Variants in WRNIP1 observed in about 807,000 individuals in gnomAD.
The protein encoded by WRNIP1 is ATPase WRNIP1.
In WRNIP1, 41 loss-of-function variants were observed where a neutral mutation model predicts 56.1. That is an observed-to-expected ratio of 0.73 (90% CI 0.57 to 0.95). The LOEUF (loss-of-function observed/expected upper bound fraction) is 0.95. Among genes scored for constraint, WRNIP1 ranks in the 40% least tolerant of loss-of-function variants. The pLI is 0.00. For synonymous variants in WRNIP1, 547 were observed against 398.1 expected (o/e 1.37, Z -4.45); for missense variants, 1,170 against 939.4 (o/e 1.25, Z -3.21).
Position 2,774,081 on chromosome 6 carries a change from G to A in WRNIP1, c.1256+3720G>A, listed in dbSNP as rs950301345. 1.4e-5 allele frequency: 14 copies of A among 985,222 alleles called. No homozygotes were observed. In the African/African-American group the frequency reaches 2.4e-4, roughly 17 times the overall value. 61.0% of individuals were successfully genotyped at this position (985,222 alleles called of 1,614,324 possible). ...GCCATTGAATAGAAAGAAAGGTAGT[G>A]GAACTCCAGAATACAAGGGATTGGC... is the stretch of plus-strand genomic sequence containing the variant. On this transcript the variant is annotated intron_variant, in intron 3 of 6. Transcript: ENST00000380773.
At position 2,784,389 on chromosome 6, in the gene WRNIP1, A is replaced by C. The variant is rs1284454070; in HGVS notation, c.1708A>C (p.Met570Leu). 1.2e-6 allele frequency: 2 copies of C among 1,613,992 alleles called. No homozygotes were observed. The highest frequency in any genetic ancestry group is 2.7e-5 in the African/African-American group (2 of 74,942). Reference sequence around the variant, plus strand: ...CTACCAAGGCTGTCATTTTATAGGCATGCCTGAATGTGAGGTAAAGTAATC... The same window carrying C: ...CTACCAAGGCTGTCATTTTATAGGCCTGCCTGAATGTGAGGTAAAGTAATC... Reference protein sequence around the residue: ...AAYQGCHFIGMPECEVLLAQC... With the variant: ...AAYQGCHFIGLPECEVLLAQC... The change falls in exon 6 of 7, where the codon ATG becomes CTG. Residue 570 changes from methionine to leucine, a missense_variant. Transcript: ENST00000380773.
rs1438253811 is a variant in WRNIP1, at chr6:2,770,371, CAG to C, written c.1256+11_1256+12del. On this transcript the variant is annotated intron_variant, in intron 3 of 6. Coordinates refer to ENST00000380773, the MANE Select transcript of WRNIP1 (RefSeq NM_020135.3). The stretch of plus-strand genomic sequence containing the variant: ...GCAACAGCAGCTCAGAGTAAGTTGA[CAG>C]TGTGCAGCGTCCTGGGGGCACACAC... 6.2e-7 allele frequency: 1 copy of C among 1,613,918 alleles called. No homozygotes were observed. The highest frequency in any genetic ancestry group is 2.2e-5 in the East Asian group (1 of 44,884).
intron 5 of WRNIP1, 144 bp from the exon 6 acceptor site, chr6:2,784,180 A>G: frequency 1.6e-6 from 1 of 634,716 alleles, no homozygotes; most frequent in Non-Finnish European, 2.7e-6. Flanking sequence ...ATCAGAGACT[A>G]GAGCTAAGTC....
chr6:2,768,930 T>G (rs771275005), intron 2 of WRNIP1, 48 bp downstream of exon 2: 126 of 1,544,192 alleles, frequency 8.2e-5, no homozygotes, highest in Non-Finnish European at 1.1e-4. Context: ...CATCAAACAA[T>G]ATAAAGTGTG....
chr6:2,768,638 GTC>G (rs1765135628), intron 1 of WRNIP1, 51 bp from the exon 2 acceptor site: 15 of 1,485,258 alleles, frequency 1.0e-5, no homozygotes, highest in Middle Eastern at 1.8e-4. Flanking sequence ...ATGGGTGCTG[GTC>G]TCTCTGTGTC....
intron 3 of WRNIP1, among the ~76,000 whole-genome samples, chr6:2,771,389 T>C (rs537318520): frequency 6.6e-6 from 1 of 152,324 alleles, no homozygotes; most frequent in African/African-American, 2.4e-5. Flanking sequence ...TGGCCTTGTT[T>C]TGGAATACCG....
At position 2,785,429 on chromosome 6, in the gene WRNIP1, C is replaced by A; in HGVS notation, c.*147C>A. On this transcript the variant is annotated 3_prime_UTR_variant, in exon 7 of 7. Transcript: ENST00000380773. ...AATTTAAGAGTTCCATAGGTGGAGG[C>A]GCAGTTCTTTCGAATAAATGTGTAA... 1 of 837,248 alleles carries A rather than the reference C, an allele frequency of 1.2e-6. No individual in the cohort carries two copies. Among genetic ancestry groups the A allele is most frequent in the Non-Finnish European group, 1.8e-6 (1 of 549,266 alleles). The allele number at this position is 837,248 out of a possible 1,614,324, so 51.9% of individuals were successfully genotyped here. A position where few individuals can be genotyped will look rare whatever the true frequency, so the allele number is the denominator to read the frequency against.
chr6:2,775,438 C>T (rs752943782), intron 3 of WRNIP1, among the ~76,000 whole-genome samples: 1 of 152,222 alleles, frequency 6.6e-6, no homozygotes, highest in African/African-American at 2.4e-5. Flanking sequence ...CAGCAGTTAT[C>T]ACCCTGACCA....
rs943773027 is a variant in WRNIP1 at position 2,765,873 on chromosome 6, C to T, written c.251C>T (p.Ala84Val). 8 of 1,445,172 alleles carry T rather than the reference C, an allele frequency of 5.5e-6. No homozygotes were observed. In the African/African-American group the frequency reaches 5.9e-5, roughly 11 times the overall value. The allele number at this position is 1,445,172 out of a possible 1,614,324, so 89.5% of individuals were successfully genotyped here. Residue 84 changes from alanine (A) to valine (V), a missense_variant, in exon 1 of 7, where the codon GCC becomes GTC. By Grantham distance (64) the Ala-to-Val change is moderately conservative. Coordinates refer to ENST00000380773, the MANE Select transcript of WRNIP1 (RefSeq NM_020135.3). ...LSESSALKQP[A>V]TPTAAESSEG... The stretch of plus-strand genomic sequence containing the variant: ...GAGAGCTCGGCGCTGAAGCAGCCAG[C>T]CACCCCGACGGCAGCCGAGAGCAGC...
chr6:2,768,543 A>ATT (rs755995988), intron 1 of WRNIP1, 148 bp from the exon 2 acceptor site: 3 of 508,198 alleles, frequency 5.9e-6, no homozygotes, highest in Non-Finnish European at 9.9e-6. Context: ...GTCCTGTGGT[A>ATT]TTTTTGATTG....
chr6:2,768,637 G>C, intron 1 of WRNIP1, 54 bp from the exon 2 acceptor site: 1 of 1,481,310 alleles, frequency 6.8e-7, no homozygotes, highest in Non-Finnish European at 9.1e-7. Context: ...CATGGGTGCT[G>C]GTCTCTCTGT....
intron 2 of WRNIP1, among the ~76,000 whole-genome samples, chr6:2,769,676 C>A (rs1370975125): frequency 6.6e-6 from 1 of 152,038 alleles, no homozygotes; most frequent in Non-Finnish European, 1.5e-5. Flanking sequence ...CATAAAACAG[C>A]ATAATAGGAA....
At chr6:2,771,855 A>G (rs567302956) in intron 3 of WRNIP1, among the ~76,000 whole-genome samples, 4 of 152,336 alleles carry the variant, frequency 2.6e-5, no homozygotes, top group East Asian at 1.9e-4. Context: ...AAATCCTAAC[A>G]TGTTTCATGT....
Position 2,785,174 on chromosome 6 carries a change from C to T in WRNIP1, c.1890C>T (p.Gly630=), listed in dbSNP as rs201959400. The part of the protein sequence containing the change: ...NAPTRLMKDL[G]YGKGYKYNPM... ...CCACTAGGCTGATGAAGGATTTGGG[C>T]TATGGCAAAGGCTACAAGTACAACC... Residue 630 remains glycine, a synonymous_variant, in exon 7 of 7, where the codon GGC becomes GGT. Transcript: ENST00000380773. 4.2e-5 allele frequency: 67 copies of T among 1,614,034 alleles called. No individual in the cohort carries two copies. The highest frequency in any genetic ancestry group is 1.0e-4 in the Admixed American group (6 of 60,008).
chr6:2,784,497 T>G (rs1253763587), intron 6 of WRNIP1, 94 bp downstream of exon 6: 5 of 1,296,486 alleles, frequency 3.9e-6, no homozygotes, highest in African/African-American at 1.5e-5. Context: ...CCTTCACCAT[T>G]GGTGTATTGG....
At chr6:2,781,195 C>T (rs1430665661) in intron 4 of WRNIP1, among the ~76,000 whole-genome samples, 1 of 152,190 alleles carries the variant, frequency 6.6e-6, no homozygotes, top group Non-Finnish European at 1.5e-5. Flanking sequence ...CCTAGGAATC[C>T]CACTTCCTGA....
chr6:2,770,230 T>A lies in WRNIP1; in HGVS notation c.1125T>A (p.Ile375=). The A allele has an allele frequency of 2.5e-6, 4 of 1,614,218 alleles. No homozygotes were observed. Among genetic ancestry groups the A allele is most frequent in the Non-Finnish European group, 3.4e-6 (4 of 1,180,030 alleles). ...NAALLSRCRV[I]VLEKLPVEAM... ...CTCTTCTGAGCCGCTGTCGAGTGATTGTTCTTGAGAAGCTTCCAGTAGAGG... is the reference window on the plus strand; with the variant it reads ...CTCTTCTGAGCCGCTGTCGAGTGATAGTTCTTGAGAAGCTTCCAGTAGAGG... The change falls in exon 3 of 7, where the codon ATT becomes ATA. Residue 375 remains isoleucine, a synonymous_variant. Coordinates refer to ENST00000380773, the MANE Select transcript of WRNIP1 (RefSeq NM_020135.3).
rs1272232793 is a variant in WRNIP1 at position 2,765,827 on chromosome 6, G to C, written c.205G>C (p.Ala69Pro). 2.2e-5 allele frequency: 30 copies of C among 1,363,582 alleles called. No individual in the cohort carries two copies. Among genetic ancestry groups the C allele is most frequent in the Non-Finnish European group, 2.5e-5 (27 of 1,062,306 alleles). The allele number at this position is 1,363,582 out of a possible 1,614,324, so 84.5% of individuals were successfully genotyped here. ...GGCCAAGGGGCCCTCGCCGCCCGGCGCCAAGAGGCGGCGGCTGTCGGAGAG... is the reference window on the plus strand; with the variant it reads ...GGCCAAGGGGCCCTCGCCGCCCGGCCCCAAGAGGCGGCGGCTGTCGGAGAG... ...ERAKGPSPPG[A>P]KRRRLSESSA... The change falls in exon 1 of 7, where the codon GCC becomes CCC. Residue 69 changes from alanine to proline, a missense_variant. By Grantham distance (27) the Ala-to-Pro change is conservative. Transcript: ENST00000380773.
At chr6:2,778,760 G>GA (rs1266013378) in intron 3 of WRNIP1, among the ~76,000 whole-genome samples, 1 of 152,186 alleles carries the variant, frequency 6.6e-6, no homozygotes, top group Non-Finnish European at 1.5e-5. Context: ...TAAAATGAAG[G>GA]AATTGAACTG....
Sources: gnomAD v4.1 joint callset for allele counts (sites outside exome capture counted in the v4.1 genomes callset) on GRCh38, gnomAD v4.1.1 for gene constraint, MANE v1.5 for transcripts, NCBI Gene and HGNC (gene_info 2026-07-23, HGNC 2026-07-21) for gene names.